Variants in CYP2C19 observed in about 807,000 individuals in gnomAD.
CYP2C19 encodes the protein cytochrome P450 family 2 subfamily C member 19.
CYP2C19 carries 59 observed loss-of-function variants against 40.9 expected under a neutral mutation model. That is an observed-to-expected ratio of 1.44 (90% CI 1.17 to 1.79). The LOEUF is 1.79. Among genes scored for constraint, CYP2C19 ranks in the 40% most tolerant of loss-of-function variants. The pLI, the probability that CYP2C19 is intolerant of heterozygous loss-of-function variation, is 0.00. For synonymous variants in CYP2C19, 253 were observed against 208.7 expected (o/e 1.21, Z -1.83); for missense variants, 754 against 596.9 (o/e 1.26, Z -2.74).
rs372543415 is a variant in CYP2C19 at position 94,786,249 on chromosome 10, A to G, written c.819+4252A>G. Among the ~76,000 whole-genome samples, 10 of 152,248 alleles carry G rather than the reference A, an allele frequency of 6.6e-5. No individual in the cohort carries two copies. The East Asian group carries it at 9.7e-4, about 15-fold the overall frequency. On this transcript the variant is annotated intron_variant, in intron 5 of 8. Transcript: ENST00000371321. ...CATGTAGTTGCATATGAATTGGACA[A>G]TCAACTTTCCCATTTCTGGAAAAAG...
chr10:94,829,698 G>A (rs973891508), intron 6 of CYP2C19, among the ~76,000 whole-genome samples: 4 of 151,972 alleles, frequency 2.6e-5, no homozygotes, highest in African/African-American at 9.7e-5. Context: ...TTGCTGGTGA[G>A]GAACTACGTT....
chr10:94,850,826 T>G (rs1007429883), intron 8 of CYP2C19, among the ~76,000 whole-genome samples: 1 of 152,118 alleles, frequency 6.6e-6, no homozygotes, highest in South Asian at 2.1e-4. Context: ...AGGGGGACAT[T>G]AAGAATGTAG....
At chr10:94,767,683 T>G (rs563804472) in intron 1 of CYP2C19, among the ~76,000 whole-genome samples, 1 of 152,248 alleles carries the variant, frequency 6.6e-6, no homozygotes, top group South Asian at 2.1e-4. Flanking sequence ...TAAATAGGGA[T>G]TTGGCCATTT....
chr10:94,788,855 A>G (rs908149261), intron 5 of CYP2C19, among the ~76,000 whole-genome samples: 1 of 152,182 alleles, frequency 6.6e-6, no homozygotes, highest in Non-Finnish European at 1.5e-5. Flanking sequence ...TCCTTTGGGT[A>G]TATACCCAGT....
intron 6 of CYP2C19, among the ~76,000 whole-genome samples, chr10:94,830,535 A>T (rs1163826421): frequency 6.6e-6 from 1 of 152,148 alleles, no homozygotes; most frequent in East Asian, 1.9e-4. Context: ...GCACGCACCC[A>T]CTGACCTGCG....
chr10:94,795,436 C>T (rs1395704405), intron 5 of CYP2C19, among the ~76,000 whole-genome samples: 1 of 152,040 alleles, frequency 6.6e-6, no homozygotes, highest in East Asian at 1.9e-4. Flanking sequence ...CAAGTCTTTG[C>T]TATTGTGAAT....
At chr10:94,815,902 T>A (rs2134263590) in intron 5 of CYP2C19, among the ~76,000 whole-genome samples, 1 of 152,354 alleles carries the variant, frequency 6.6e-6, no homozygotes, top group African/African-American at 2.4e-5. Flanking sequence ...AGAAGATAAT[T>A]GCAGACTCTT....
At chr10:94,784,782 G>A (rs1054992853) in intron 5 of CYP2C19, among the ~76,000 whole-genome samples, 6 of 151,958 alleles carry the variant, frequency 3.9e-5, no homozygotes, top group African/African-American at 1.5e-4. Flanking sequence ...TAGAGATAGG[G>A]TTTCACCATG....
rs575169664 is a variant in CYP2C19 at position 94,815,766 on chromosome 10, T to C, written c.820-4730T>C. 5.9e-5 allele frequency among the ~76,000 whole-genome samples: 9 copies of C among 152,356 alleles called. No individual in the cohort carries two copies. In the East Asian group the frequency reaches 1.7e-3, roughly 29 times the overall value. ...GGCCCATCTTGTCATTGTAAACTCA[T>C]TCTCTTTCTCTATAATTTATTCTAG... is the stretch of plus-strand genomic sequence containing the variant. On this transcript the variant is annotated intron_variant, in intron 5 of 8. Transcript: ENST00000371321.
At chr10:94,801,278 T>A (rs1848761773) in intron 5 of CYP2C19, among the ~76,000 whole-genome samples, 1 of 152,228 alleles carries the variant, frequency 6.6e-6, no homozygotes, top group Non-Finnish European at 1.5e-5. Flanking sequence ...GTCTCAGAGA[T>A]TCTGTTTCAT....
rs533709547 is a variant in CYP2C19, at chr10:94,778,851, T to A, written c.482-1648T>A. On this transcript the variant is annotated intron_variant, in intron 3 of 8. Transcript: ENST00000371321. Reference sequence around the variant, plus strand: ...CAGCACTATTTACAATAGCAAAGACTTGGAACCAACCCAAATGCCCATCAA... The same window carrying A: ...CAGCACTATTTACAATAGCAAAGACATGGAACCAACCCAAATGCCCATCAA... Among the ~76,000 whole-genome samples, 9 of 152,214 alleles carry A rather than the reference T, an allele frequency of 5.9e-5. 1 individual carries two copies. The South Asian group carries it at 1.9e-3, about 32-fold the overall frequency.
Position 94,855,473 on chromosome 10 carries a change from TA to T in CYP2C19, c.*2560del, listed in dbSNP as rs1849717427. 6.6e-6 allele frequency among the ~76,000 whole-genome samples: 1 copy of T among 152,222 alleles called. No homozygotes were observed. The highest frequency in any genetic ancestry group is 2.1e-4 in the South Asian group (1 of 4,836). On this transcript the variant is annotated 3_prime_UTR_variant, in exon 9 of 9. Coordinates refer to ENST00000371321, the MANE Select transcript of CYP2C19 (RefSeq NM_000769.4). The stretch of plus-strand genomic sequence containing the variant: ...CATATTTCATATGAGAAGAGAACTT[TA>T]TTTGGCTCACTAATGAATACCAGCC...
intron 5 of CYP2C19, among the ~76,000 whole-genome samples, chr10:94,811,474 A>C (rs2134260450): frequency 6.6e-6 from 1 of 152,232 alleles, no homozygotes; most frequent in South Asian, 2.1e-4. Context: ...TAATATTGAC[A>C]GTGGGGTGTT....
chr10:94,843,101 C>T, intron 7 of CYP2C19, 77 bp downstream of exon 7: 1 of 1,551,248 alleles, frequency 6.4e-7, no homozygotes. Context: ...TACCCTCTAC[C>T]ATCACTGGGT....
At chr10:94,793,089 T>C (rs1037092574) in intron 5 of CYP2C19, among the ~76,000 whole-genome samples, 3 of 152,190 alleles carry the variant, frequency 2.0e-5, no homozygotes, top group Non-Finnish European at 4.4e-5. Flanking sequence ...CCCTTCTAGC[T>C]TCATTTCATT....
intron 4 of CYP2C19, 64 bp downstream of exon 4, chr10:94,780,723 A>T: frequency 6.4e-7 from 1 of 1,570,386 alleles, no homozygotes; most frequent in Non-Finnish European, 8.7e-7. Flanking sequence ...GAAATCCAAA[A>T]TTCTATATTG....
At chr10:94,796,173 G>C (rs1848683235) in intron 5 of CYP2C19, among the ~76,000 whole-genome samples, 1 of 152,096 alleles carries the variant, frequency 6.6e-6, no homozygotes, top group East Asian at 1.9e-4. Context: ...ATTAATTTTT[G>C]TATAAGGTGT....
rs570342226 is a variant in CYP2C19, at chr10:94,845,676, A to C, written c.1149+2652A>C. Among the ~76,000 whole-genome samples, 476 of 152,280 alleles carry C rather than the reference A, an allele frequency of 3.1e-3. 3 individuals are homozygous for C. Among genetic ancestry groups the C allele is most frequent in the African/African-American group, 0.011 (450 of 41,574 alleles). On this transcript the variant is annotated intron_variant, in intron 7 of 8. Coordinates refer to ENST00000371321, the MANE Select transcript of CYP2C19 (RefSeq NM_000769.4). ...TATGGAGTAATAATGGTCGTGCTTC[A>C]ATGTCTATAAATTTCTATTTATTCA...
At chr10:94,812,549 A>T (rs187720230) in intron 5 of CYP2C19, among the ~76,000 whole-genome samples, 74 of 152,152 alleles carry the variant, frequency 4.9e-4, no homozygotes, top group Admixed American at 2.1e-3. Flanking sequence ...ATAGCACCAC[A>T]TTTCTTGGAG....
Sources: gnomAD v4.1 joint callset for allele counts (sites outside exome capture counted in the v4.1 genomes callset) on GRCh38, gnomAD v4.1.1 for gene constraint, MANE v1.5 for transcripts, NCBI Gene and HGNC (gene_info 2026-07-23, HGNC 2026-07-21) for gene names.